BMPR1A: variants seen among roughly 807,000 people sequenced by gnomAD.
BMPR1A encodes bone morphogenetic protein receptor type 1A.
BMPR1A carries 7 observed loss-of-function variants against 66.0 expected under a neutral mutation model. That is an observed-to-expected ratio of 0.11 (90% confidence interval 0.06 to 0.20). The LOEUF (loss-of-function observed/expected upper bound fraction) is 0.20, where lower values mean the gene tolerates loss of function less well. Ranked by LOEUF, BMPR1A falls within the 10% of genes least tolerant of loss-of-function variation. The pLI is 1.00. For synonymous variants in BMPR1A, 200 were observed against 229.7 expected, an observed-to-expected ratio of 0.87 and a Z score of 1.17; for missense variants, 408 against 669.1, an observed-to-expected ratio of 0.61 and a Z score of 4.31.
Position 86,790,183 on chromosome 10 carries a change from A to T in BMPR1A, c.-268+33264A>T, listed in dbSNP as rs1172224198. ...TCTCCAAAAAAAAAAAAAAAAAAAA[A>T]AAAAAATATATATATATATATATAT... is the stretch of plus-strand genomic sequence containing the variant. On this transcript the variant is annotated intron_variant, in intron 1 of 12. Coordinates refer to ENST00000372037, the MANE Select transcript of BMPR1A (RefSeq NM_004329.3). 4.0e-4 allele frequency among the ~76,000 whole-genome samples: 16 copies of T among 39,580 alleles called. 1 individual carries two copies. The highest frequency in any genetic ancestry group is 2.7e-3 in the African/African-American group (16 of 5,952). 26.0% of individuals were successfully genotyped at this position (39,580 alleles called of 152,430 possible).
intron 8 of BMPR1A, among the ~76,000 whole-genome samples, chr10:86,915,445 A>G (rs1037038107): frequency 1.3e-5 from 2 of 152,174 alleles, no homozygotes; most frequent in Non-Finnish European, 2.9e-5. Context: ...AAAAGGGTAC[A>G]TTTTATATAA....
intron 1 of BMPR1A, among the ~76,000 whole-genome samples, chr10:86,758,318 T>C (rs1688676035): frequency 6.6e-6 from 1 of 152,154 alleles, no homozygotes; most frequent in Admixed American, 6.5e-5. Context: ...AGCTCCTTCA[T>C]TAAATTCCTT....
At chr10:86,826,562 T>C (rs948116092) in intron 1 of BMPR1A, among the ~76,000 whole-genome samples, 2 of 152,182 alleles carry the variant, frequency 1.3e-5, no homozygotes, top group Middle Eastern at 3.2e-3. Context: ...CCTTTTCTTA[T>C]ATAAGCAGTC....
chr10:86,837,817 C>T (rs1475848521), intron 1 of BMPR1A, among the ~76,000 whole-genome samples: 3 of 152,082 alleles, frequency 2.0e-5, no homozygotes, highest in African/African-American at 4.8e-5. Context: ...TGTCTTTAGC[C>T]GGACCATGAA....
intron 2 of BMPR1A, among the ~76,000 whole-genome samples, chr10:86,864,871 G>T (rs1842761575): frequency 6.6e-6 from 1 of 151,878 alleles, no homozygotes; most frequent in South Asian, 2.1e-4. Flanking sequence ...CTTACCACAA[G>T]ATCTCCCTTC....
At chr10:86,915,131 A>T (rs996778906) in intron 8 of BMPR1A, among the ~76,000 whole-genome samples, 6 of 152,186 alleles carry the variant, frequency 3.9e-5, no homozygotes, top group African/African-American at 1.2e-4. Context: ...CACAAAAGTG[A>T]TTCTCCTGCC....
At chr10:86,777,550 C>G (rs1019826574) in intron 1 of BMPR1A, among the ~76,000 whole-genome samples, 2 of 152,006 alleles carry the variant, frequency 1.3e-5, no homozygotes, top group Non-Finnish European at 2.9e-5. Flanking sequence ...CCACTGTACT[C>G]CAGTGGGTGA....
chr10:86,900,694 C>T (rs1223921447), intron 7 of BMPR1A, among the ~76,000 whole-genome samples: 3 of 152,206 alleles, frequency 2.0e-5, no homozygotes, highest in South Asian at 2.1e-4. Flanking sequence ...AAAAGACGTT[C>T]GCATACCTCC....
chr10:86,889,333 C>T (rs1353218443), intron 3 of BMPR1A, among the ~76,000 whole-genome samples: 1 of 152,178 alleles, frequency 6.6e-6, no homozygotes, highest in African/African-American at 2.4e-5. Context: ...CTCCAGATAA[C>T]ATGATTGGTC....
intron 1 of BMPR1A, among the ~76,000 whole-genome samples, chr10:86,834,700 CCTAAAGTAA>C (rs1423224730): frequency 6.6e-6 from 1 of 152,090 alleles, no homozygotes; most frequent in Non-Finnish European, 1.5e-5. Context: ...GGTATACTAT[CCTAAAGTAA>C]CTGTTCATTT....
chr10:86,757,331 C>T (rs889345434), intron 1 of BMPR1A, among the ~76,000 whole-genome samples: 1 of 152,118 alleles, frequency 6.6e-6, no homozygotes, highest in Non-Finnish European at 1.5e-5. Context: ...GAGTTTCGGG[C>T]GGGGGTCGAG....
intron 2 of BMPR1A, among the ~76,000 whole-genome samples, chr10:86,866,554 G>A (rs191199145): frequency 1.1e-3 from 161 of 151,746 alleles, no homozygotes; most frequent in African/African-American, 3.8e-3. Flanking sequence ...GTTTGCAGGT[G>A]CCTGCCACCA....
chr10:86,817,501 A>G (rs1352995789), intron 1 of BMPR1A, among the ~76,000 whole-genome samples: 2 of 152,222 alleles, frequency 1.3e-5, no homozygotes, highest in Non-Finnish European at 2.9e-5. Context: ...ATCCATGGAT[A>G]CTTGGGTTAC....
At chr10:86,855,868 A>G in intron 2 of BMPR1A, 1 of 737,358 alleles carries the variant, frequency 1.4e-6, no homozygotes, top group Admixed American at 2.4e-5. Context: ...GAGTGCTGGA[A>G]GAACAATTGC....
At chr10:86,903,120 G>T (rs1288701132) in intron 7 of BMPR1A, among the ~76,000 whole-genome samples, 5 of 151,944 alleles carry the variant, frequency 3.3e-5, no homozygotes, top group African/African-American at 9.7e-5. Context: ...AAAATATCTG[G>T]CATCCAACAA....
chr10:86,892,317 A>T (rs2133409914), intron 5 of BMPR1A, 88 bp downstream of exon 5: 1 of 1,004,962 alleles, frequency 1.0e-6, no homozygotes, highest in Middle Eastern at 2.0e-4. Flanking sequence ...TGCCTGGTGT[A>T]CACATCGCTG....
At chr10:86,791,995 A>C (rs1198302707) in intron 1 of BMPR1A, among the ~76,000 whole-genome samples, 1 of 147,560 alleles carries the variant, frequency 6.8e-6, no homozygotes, top group Non-Finnish European at 1.5e-5. Context: ...CTGGGATTAT[A>C]GGCGTGAGCC....
rs1842234057 is a variant in BMPR1A, at chr10:86,829,069, C to CG, written c.-267-9794dup. Among the ~76,000 whole-genome samples, 4 of 152,132 alleles carry CG rather than the reference C, an allele frequency of 2.6e-5. No individual in the cohort carries two copies. In the South Asian group the frequency reaches 8.3e-4, roughly 32 times the overall value. Reference sequence around the variant, plus strand: ...TCACGGAGCCAGAACAGGAGGGATACGGAGGGAAAGGGCCCTTTCCCAACT... The same window carrying CG: ...TCACGGAGCCAGAACAGGAGGGATACGGGAGGGAAAGGGCCCTTTCCCAACT... On this transcript the variant is annotated intron_variant, in intron 1 of 12. Coordinates refer to ENST00000372037, the MANE Select transcript of BMPR1A (RefSeq NM_004329.3).
chr10:86,927,699 A>C lies in BMPR1A; in HGVS notation c.*3980A>C, dbSNP rs184435006. The C allele has an allele frequency of 5.5e-5, 11 of 198,676 alleles. No individual in the cohort carries two copies. The highest frequency in any genetic ancestry group is 1.8e-4 in the African/African-American group (8 of 43,542). 12.3% of individuals were successfully genotyped at this position (198,676 alleles called of 1,614,324 possible). A position where few individuals can be genotyped will look rare whatever the true frequency, so the allele number is the denominator to read the frequency against. On this transcript the variant is annotated 3_prime_UTR_variant, in exon 13 of 13. Coordinates refer to ENST00000372037, the MANE Select transcript of BMPR1A (RefSeq NM_004329.3). ...CTGGCCCATTTAAAAACTAAAATGTAGTATATATTGTATAAAATGGAAATA... is the reference window on the plus strand; with the variant it reads ...CTGGCCCATTTAAAAACTAAAATGTCGTATATATTGTATAAAATGGAAATA...
Sources: gnomAD v4.1 joint callset for allele counts (sites outside exome capture counted in the v4.1 genomes callset) on GRCh38, gnomAD v4.1.1 for gene constraint, MANE v1.5 for transcripts, NCBI Gene and HGNC (gene_info 2026-07-23, HGNC 2026-07-21) for gene names.